Variants in FAM81A observed in about 807,000 individuals in gnomAD.
FAM81A encodes protein FAM81A.
In FAM81A, 19 loss-of-function variants were observed where a neutral mutation model predicts 46.7. The observed-to-expected ratio is 0.41, with a 90% CI of 0.28 to 0.60. FAM81A has a LOEUF of 0.60. FAM81A is among the 20% of genes least tolerant of loss of function. The probability of loss-of-function intolerance (pLI) is 0.34; values close to 1 mark genes in which losing one functional copy is unlikely to be tolerated. For synonymous variants in FAM81A, 183 were observed against 152.9 expected (o/e 1.20, Z -1.45); for missense variants, 377 against 453.5 (o/e 0.83, Z 1.53).
intron 1 of FAM81A, among the ~76,000 whole-genome samples, chr15:59,450,334 C>CT (rs2081404376): frequency 6.6e-6 from 1 of 152,156 alleles, no homozygotes; most frequent in South Asian, 2.1e-4. Context: ...CCACTCCTCA[C>CT]TTTTTTGCTA....
chr15:59,432,966 T>A (rs1444098701), intron 2 of FAM81A, among the ~76,000 whole-genome samples: 1 of 127,608 alleles, frequency 7.8e-6, no homozygotes, highest in Non-Finnish European at 1.8e-5. Context: ...AAACCCCGTC[T>A]CTATTAAAAA....
intron 1 of FAM81A, among the ~76,000 whole-genome samples, chr15:59,448,759 T>A (rs1375098023): frequency 6.6e-6 from 1 of 152,194 alleles, no homozygotes; most frequent in Non-Finnish European, 1.5e-5. Context: ...GCTCAAGCAA[T>A]CCTGTTGCCT....
At chr15:59,419,743 G>A (rs748901243) in intron 2 of FAM81A, among the ~76,000 whole-genome samples, 6 of 152,028 alleles carry the variant, frequency 3.9e-5, no homozygotes, top group Non-Finnish European at 5.9e-5. Context: ...GCGTGCTGGC[G>A]GACGCCTGTA....
chr15:59,399,179 CA>C (rs1161031062), intron 1 of FAM81A, among the ~76,000 whole-genome samples: 1 of 151,738 alleles, frequency 6.6e-6, no homozygotes, highest in Non-Finnish European at 1.5e-5. Context: ...AAAACAAAAA[CA>C]AAAACAAAAA....
chr15:59,479,722 G>A (rs2081825433), intron 3 of FAM81A, among the ~76,000 whole-genome samples: 1 of 151,838 alleles, frequency 6.6e-6, no homozygotes, highest in African/African-American at 2.4e-5. Context: ...AGCAGAAAGG[G>A]GACCAGTGGA....
At chr15:59,427,330 T>G (rs1297275732) in intron 2 of FAM81A, among the ~76,000 whole-genome samples, 13 of 151,442 alleles carry the variant, frequency 8.6e-5, no homozygotes, top group Admixed American at 8.6e-4. Context: ...AGGCTGGTCT[T>G]AAACTCCTGA....
At chr15:59,458,867 G>A (rs1365405296) in intron 2 of FAM81A, among the ~76,000 whole-genome samples, 1 of 152,208 alleles carries the variant, frequency 6.6e-6, no homozygotes, top group African/African-American at 2.4e-5. Flanking sequence ...TGAATTTCCT[G>A]TTGAGAGTGA....
chr15:59,519,424 A>C (rs1470484607), intron 8 of FAM81A, among the ~76,000 whole-genome samples: 1 of 151,614 alleles, frequency 6.6e-6, no homozygotes, highest in Non-Finnish European at 1.5e-5. Flanking sequence ...ACTGACCTCA[A>C]GTAATCCACC....
At chr15:59,427,820 G>A (rs1272187130) in intron 2 of FAM81A, among the ~76,000 whole-genome samples, 1 of 152,170 alleles carries the variant, frequency 6.6e-6, no homozygotes, top group African/African-American at 2.4e-5. Flanking sequence ...AATACACTTA[G>A]GTTGCTTCCA....
intron 3 of FAM81A, among the ~76,000 whole-genome samples, chr15:59,478,380 C>T (rs1204259532): frequency 6.6e-6 from 1 of 152,166 alleles, no homozygotes; most frequent in Non-Finnish European, 1.5e-5. Context: ...AAAAGGACTA[C>T]TGGAGTTTTT....
chr15:59,405,763 G>A (rs1407116070), intron 2 of FAM81A, among the ~76,000 whole-genome samples: 1 of 152,158 alleles, frequency 6.6e-6, no homozygotes. Flanking sequence ...CTGGCCTTGG[G>A]CCCATCCCTC....
intron 2 of FAM81A, among the ~76,000 whole-genome samples, chr15:59,423,797 A>G (rs2081184816): frequency 6.6e-6 from 1 of 152,200 alleles, no homozygotes; most frequent in African/African-American, 2.4e-5. Flanking sequence ...ACGGGTCAGG[A>G]TTTTTAAACA....
intron 2 of FAM81A, 42 bp from the exon 3 acceptor site, chr15:59,459,891 T>G: frequency 6.6e-7 from 1 of 1,516,498 alleles, no homozygotes; most frequent in Non-Finnish European, 8.8e-7. Context: ...CTTTAAACAT[T>G]ATTTTTTCCC....
At chr15:59,514,751 A>T (rs1339698788) in intron 7 of FAM81A, among the ~76,000 whole-genome samples, 1 of 152,132 alleles carries the variant, frequency 6.6e-6, no homozygotes, top group East Asian at 1.9e-4. Context: ...GTTTGTTTTA[A>T]TTTCTTGATC....
chr15:59,448,161 G>A (rs1212026827), intron 1 of FAM81A, among the ~76,000 whole-genome samples: 3 of 152,164 alleles, frequency 2.0e-5, no homozygotes, highest in African/African-American at 7.2e-5. Context: ...CAGATCATGT[G>A]AGGTCAGGCT....
intron 2 of FAM81A, chr15:59,408,801 C>A (rs2081107824): frequency 6.6e-6 from 1 of 152,100 alleles, no homozygotes; most frequent in African/African-American, 2.4e-5. Flanking sequence ...TGCACTCCAG[C>A]CTGGGCGACA....
intron 1 of FAM81A, among the ~76,000 whole-genome samples, chr15:59,453,136 AGGAACCAACCCTTACT>A (rs2081439238): frequency 6.6e-6 from 1 of 152,230 alleles, no homozygotes; most frequent in African/African-American, 2.4e-5. Context: ...GGGAAGGGAA[AGGAACCAACCCTTACT>A]GGAAGCTTAT....
At chr15:59,452,767 TA>T (rs1429091877) in intron 1 of FAM81A, among the ~76,000 whole-genome samples, 1 of 152,194 alleles carries the variant, frequency 6.6e-6, no homozygotes, top group Non-Finnish European at 1.5e-5. Flanking sequence ...TATTATATTA[TA>T]TTATTTATTT....
intron 7 of FAM81A, among the ~76,000 whole-genome samples, chr15:59,515,423 G>A (rs1596548963): frequency 1.3e-5 from 2 of 152,188 alleles, no homozygotes; most frequent in East Asian, 3.9e-4. Flanking sequence ...AATGACTGGT[G>A]CAGTACATCT....
Sources: allele counts gnomAD v4.1 joint callset (sites outside exome capture counted in the v4.1 genomes callset), GRCh38; gene constraint gnomAD v4.1.1; transcripts MANE v1.5; gene names NCBI Gene and HGNC (gene_info 2026-07-23, HGNC 2026-07-21).